LARGE1: variants seen among roughly 807,000 people sequenced by gnomAD.
The protein encoded by LARGE1 is xylosyl- and glucuronyltransferase LARGE1.
In LARGE1, 43 loss-of-function variants were observed where a neutral mutation model predicts 87.6. The observed-to-expected ratio is 0.49, with a 90% CI of 0.38 to 0.63. The LOEUF is 0.63. Among genes scored for constraint, LARGE1 ranks in the 30% least tolerant of loss-of-function variants. The pLI is 0.00. For synonymous variants in LARGE1, 434 were observed against 394.6 expected (o/e 1.10, Z -1.18); for missense variants, 802 against 1,000.2 (o/e 0.80, Z 2.67).
intron 1 of LARGE1, among the ~76,000 whole-genome samples, chr22:33,823,364 C>A (rs982846864): frequency 2.0e-5 from 3 of 152,196 alleles, no homozygotes; most frequent in Non-Finnish European, 4.4e-5. Flanking sequence ...AGGACAGAAG[C>A]CTTATGTTTT....
intron 2 of LARGE1, among the ~76,000 whole-genome samples, chr22:33,694,292 T>C (rs916304877): frequency 1.3e-5 from 2 of 152,344 alleles, no homozygotes; most frequent in South Asian, 2.1e-4. Context: ...GGGTGATCCA[T>C]AGCTATTCTG....
chr22:33,524,775 A>G (rs963291846), intron 6 of LARGE1, among the ~76,000 whole-genome samples: 6 of 151,974 alleles, frequency 3.9e-5, no homozygotes, highest in Non-Finnish European at 8.8e-5. Flanking sequence ...AGCAAAACCA[A>G]ACCAAACAAA....
intron 2 of LARGE1, among the ~76,000 whole-genome samples, chr22:33,651,240 A>AAAAAAAAAAAAAAAAC (rs1218968780): frequency 6.9e-6 from 1 of 144,194 alleles, no homozygotes; most frequent in African/African-American, 2.5e-5. Context: ...AAAAAAAAAA[A>AAAAAAAAAAAAAAAAC]AATTAGCCGG....
intron 9 of LARGE1, among the ~76,000 whole-genome samples, chr22:33,372,954 TA>T (rs1458755180): frequency 4.6e-5 from 7 of 152,112 alleles, no homozygotes; most frequent in Non-Finnish European, 8.8e-5. Flanking sequence ...TAAGGATAGT[TA>T]AAAAGAAAAG....
intron 1 of LARGE1, among the ~76,000 whole-genome samples, chr22:33,797,692 A>G (rs1044693921): frequency 6.6e-5 from 10 of 152,222 alleles, no homozygotes; most frequent in African/African-American, 1.9e-4. Flanking sequence ...CCTCACCTGC[A>G]TAAGCCAGTT....
At chr22:33,124,395 A>AGGAAGGAAGGAAGGAAAGAAGGAAGG in the LARGE1 span, among the ~76,000 whole-genome samples, 28 of 148,102 alleles carry the variant, frequency 1.9e-4, no homozygotes, top group South Asian at 4.4e-4. Flanking sequence ...GGAGGAAGGA[A>AGGAAGGAAGGAAGGAAAGAAGGAAGG]AATGATGGCT....
At chr22:33,098,769 T>TG in the LARGE1 span, among the ~76,000 whole-genome samples, 1 of 152,214 alleles carries the variant, frequency 6.6e-6, no homozygotes, top group Non-Finnish European at 1.5e-5. Flanking sequence ...TTCTGAGGAA[T>TG]GAGGACTGTT....
intron 2 of LARGE1, among the ~76,000 whole-genome samples, chr22:33,666,489 T>C (rs2081271317): frequency 6.6e-6 from 1 of 152,220 alleles, no homozygotes; most frequent in African/African-American, 2.4e-5. Context: ...TTTCTAGAGC[T>C]GTAAGCAATC....
chr22:33,406,935 G>C (rs1376644261), intron 7 of LARGE1, among the ~76,000 whole-genome samples: 2 of 152,058 alleles, frequency 1.3e-5, no homozygotes, highest in African/African-American at 4.8e-5. Flanking sequence ...TGGGATTACA[G>C]GCACCCGCCA....
chr22:33,361,730 C>CCCTCCTCTTTAGAGTT, intron 9 of LARGE1, among the ~76,000 whole-genome samples: 1 of 149,498 alleles, frequency 6.7e-6, no homozygotes. Context: ...GGCTCAGAGT[C>CCCTCCTCTTTAGAGTT]CCTCCTCTTT....
intron 7 of LARGE1, among the ~76,000 whole-genome samples, chr22:33,403,125 G>T (rs2147337939): frequency 6.6e-6 from 1 of 152,292 alleles, no homozygotes; most frequent in South Asian, 2.1e-4. Flanking sequence ...TGCAGTTATT[G>T]TAGGTGCTTT....
chr22:33,702,415 T>C (rs987200900), intron 2 of LARGE1, among the ~76,000 whole-genome samples: 1 of 152,204 alleles, frequency 6.6e-6, no homozygotes, highest in Non-Finnish European at 1.5e-5. Context: ...GCCATCCTAG[T>C]TTTCAGGGCC....
chr22:33,743,777 A>C (rs2083977420), intron 2 of LARGE1, among the ~76,000 whole-genome samples: 1 of 152,210 alleles, frequency 6.6e-6, no homozygotes, highest in South Asian at 2.1e-4. Flanking sequence ...TCACATGGCT[A>C]TTTAGTGATG....
chr22:33,835,816 C>T (rs2063094068), intron 1 of LARGE1, among the ~76,000 whole-genome samples: 3 of 152,206 alleles, frequency 2.0e-5, no homozygotes, highest in Admixed American at 2.0e-4. Context: ...ACCTAACACA[C>T]ATTAGGCGTT....
chr22:33,392,892 AAATATTTGC>A (rs1167012345), intron 7 of LARGE1, among the ~76,000 whole-genome samples: 3 of 152,190 alleles, frequency 2.0e-5, no homozygotes, highest in Non-Finnish European at 2.9e-5. Context: ...GGACAACTTG[AAATATTTGC>A]AATATTTGCA....
intron 11 of LARGE1, among the ~76,000 whole-genome samples, chr22:33,250,408 T>G (rs530886766): frequency 1.3e-5 from 2 of 152,354 alleles, no homozygotes; most frequent in African/African-American, 4.8e-5. Flanking sequence ...ATTAGTTCCA[T>G]GCGTTTTTTG....
chr22:33,243,758 A>C (rs892202320), intron 11 of LARGE1, among the ~76,000 whole-genome samples: 1 of 152,168 alleles, frequency 6.6e-6, no homozygotes, highest in African/African-American at 2.4e-5. Context: ...CTTTTGGATA[A>C]ATATTTAGAC....
chr22:33,730,359 G>C (rs1190985845), intron 2 of LARGE1, among the ~76,000 whole-genome samples: 13 of 152,184 alleles, frequency 8.5e-5, no homozygotes, highest in Admixed American at 7.9e-4. Context: ...CTGGTCAACA[G>C]TAGGTTATCA....
chr22:33,711,565 G>A (rs2082732715), intron 2 of LARGE1, among the ~76,000 whole-genome samples: 1 of 152,186 alleles, frequency 6.6e-6, no homozygotes, highest in South Asian at 2.1e-4. Context: ...GCTACCTATG[G>A]CCAAATGATA....
Sources: allele counts gnomAD v4.1 joint callset (sites outside exome capture counted in the v4.1 genomes callset), GRCh38; gene constraint gnomAD v4.1.1; transcripts MANE v1.5; gene names NCBI Gene and HGNC (gene_info 2026-07-23, HGNC 2026-07-21).